NEMP2: variants seen among roughly 807,000 people sequenced by gnomAD.
NEMP2 encodes the protein UPF0571 transmembrane protein.
In NEMP2, 53 loss-of-function variants were observed where a neutral mutation model predicts 54.2. The ratio of observed to expected loss-of-function variants is 0.98; its 90% CI spans 0.78 to 1.23. NEMP2 has a LOEUF of 1.23. Among genes scored for constraint, NEMP2 ranks in the 50% most tolerant of loss-of-function variants. The pLI is 0.00. For missense variants in NEMP2, 455 were observed against 511.3 expected, an observed-to-expected ratio of 0.89 and a Z score of 1.06; for synonymous variants, 197 against 190.3, an observed-to-expected ratio of 1.04 and a Z score of -0.29.
At chr2:190,476,214 G>A in the NEMP2 span, among the ~76,000 whole-genome samples, 1 of 152,084 alleles carries the variant, frequency 6.6e-6, no homozygotes, top group Admixed American at 6.5e-5. Flanking sequence ...TGACAAATGG[G>A]ATCTAATTAA....
At chr2:190,646,850 A>G in the NEMP2 span, 3 of 152,270 alleles carry the variant, frequency 2.0e-5, no homozygotes, top group South Asian at 4.1e-4. Context: ...AGAAGGCTCA[A>G]TAGTTCAGGT....
At chr2:190,630,901 G>A in the NEMP2 span, among the ~76,000 whole-genome samples, 4 of 151,822 alleles carry the variant, frequency 2.6e-5, no homozygotes, top group Non-Finnish European at 5.9e-5. The surrounding 1 kb of genome is among the most constrained non-coding windows in gnomAD (Gnocchi z 5.5). Flanking sequence ...AGTGGCTCAT[G>A]TCTGTAGTCG....
At chr2:190,623,097 T>C in the NEMP2 span, among the ~76,000 whole-genome samples, 1 of 152,024 alleles carries the variant, frequency 6.6e-6, no homozygotes, top group East Asian at 1.9e-4. Flanking sequence ...AAAATACCTA[T>C]GAATAAATTT....
the NEMP2 span, among the ~76,000 whole-genome samples, chr2:190,643,150 G>A: frequency 1.3e-5 from 2 of 149,540 alleles, no homozygotes; most frequent in African/African-American, 2.5e-5. Context: ...TATATTCACT[G>A]AATTCAAGAG....
At chr2:190,502,499 G>T (rs1241857141), downstream of NEMP2, among the ~76,000 whole-genome samples, 2 of 151,916 alleles carry the variant, frequency 1.3e-5, no homozygotes, top group Non-Finnish European at 2.9e-5. The surrounding 1 kb of genome is among the most constrained non-coding windows in gnomAD (Gnocchi z 4.4). Flanking sequence ...GCTAATTATT[G>T]AACTATTCCT....
At chr2:190,575,173 A>G in the NEMP2 span, among the ~76,000 whole-genome samples, 1 of 151,908 alleles carries the variant, frequency 6.6e-6, no homozygotes, top group Non-Finnish European at 1.5e-5. Context: ...TTCTTTTTAC[A>G]GGAGCTCCCA....
At chr2:190,477,127 C>T in the NEMP2 span, 5 of 329,640 alleles carry the variant, frequency 1.5e-5, no homozygotes, top group African/African-American at 1.1e-4. Context: ...ATGGGTGCAG[C>T]ACACCAATAT....
chr2:190,438,386 C>T, the NEMP2 span, among the ~76,000 whole-genome samples: 16 of 152,150 alleles, frequency 1.1e-4, no homozygotes, highest in African/African-American at 3.1e-4. The surrounding 1 kb of genome is among the most constrained non-coding windows in gnomAD (Gnocchi z 5.2). Flanking sequence ...CATGGTGGCA[C>T]GCACCCGTAG....
chr2:190,435,957 T>G, the NEMP2 span: 2 of 1,509,762 alleles, frequency 1.3e-6, no homozygotes, highest in East Asian at 4.5e-5. Flanking sequence ...CTAAGCCATC[T>G]TTTAAATTTT....
chr2:190,613,037 GTTAT>G, the NEMP2 span, among the ~76,000 whole-genome samples: 2 of 152,056 alleles, frequency 1.3e-5, no homozygotes, highest in Admixed American at 1.3e-4. Context: ...ATTTACCTAT[GTTAT>G]TTATGAAAAC....
the NEMP2 span, among the ~76,000 whole-genome samples, chr2:190,642,426 T>C: frequency 1.3e-5 from 2 of 152,128 alleles, no homozygotes; most frequent in African/African-American, 4.8e-5. The surrounding 1 kb of genome is among the most constrained non-coding windows in gnomAD (Gnocchi z 4.1). Flanking sequence ...TGTAATAAAA[T>C]ACAATGGATA....
At chr2:190,608,462 T>C in the NEMP2 span, 1 of 152,312 alleles carries the variant, frequency 6.6e-6, no homozygotes, top group East Asian at 1.9e-4. The surrounding 1 kb of genome is among the most constrained non-coding windows in gnomAD (Gnocchi z 4.9). Context: ...GTAAACGTCA[T>C]GGCCATAGAG....
the NEMP2 span, among the ~76,000 whole-genome samples, chr2:190,470,946 C>G: frequency 6.6e-6 from 1 of 151,844 alleles, no homozygotes; most frequent in South Asian, 2.1e-4. Flanking sequence ...AGATTTGATG[C>G]AATGGTGTAG....
At chr2:190,614,410 T>C in the NEMP2 span, among the ~76,000 whole-genome samples, 11 of 152,232 alleles carry the variant, frequency 7.2e-5, no homozygotes, top group Admixed American at 5.9e-4. The surrounding 1 kb of genome is among the most constrained non-coding windows in gnomAD (Gnocchi z 5.7). Flanking sequence ...AAACTTTTGC[T>C]CAAAACGACA....
the NEMP2 span, among the ~76,000 whole-genome samples, chr2:190,427,727 C>CT: frequency 1.7e-4 from 26 of 148,582 alleles, no homozygotes; most frequent in Middle Eastern, 3.4e-3. Context: ...AAGTCTACCA[C>CT]TTTTTTTTTT....
the NEMP2 span, among the ~76,000 whole-genome samples, chr2:190,543,873 A>G: frequency 5.6e-4 from 86 of 152,330 alleles, no homozygotes; most frequent in African/African-American, 1.9e-3. The surrounding 1 kb of genome is among the most constrained non-coding windows in gnomAD (Gnocchi z 4.7). Context: ...TGCTCTTTAT[A>G]ACTAATTAAT....
At chr2:190,484,044 G>T in the NEMP2 span, among the ~76,000 whole-genome samples, 1 of 152,138 alleles carries the variant, frequency 6.6e-6, no homozygotes, top group African/African-American at 2.4e-5. Flanking sequence ...CTAAGTTTAT[G>T]TGGACTACTT....
chr2:190,508,199 TATCTA>T lies in NEMP2; in HGVS notation c.*985_*989del, dbSNP rs1690240920. The T allele has an allele frequency of 1.3e-5, 2 of 152,248 alleles. No homozygotes were observed. The highest frequency in any genetic ancestry group is 4.1e-4 in the South Asian group (2 of 4,838). The allele number at this position is 152,248 out of a possible 1,614,324, so 9.4% of individuals were successfully genotyped here. On this transcript the variant is annotated 3_prime_UTR_variant, in exon 9 of 9. Transcript: ENST00000409150. This position sits in a 1 kb window ranked among gnomAD's most constrained non-coding sequence, Gnocchi z 4.3. ...CAAAATACAAAAAAAGTAATCATAG[TATCTA>T]ATCCTTACGTATGTATATAAAAATC...
chr2:190,535,861 A>G (rs186714712), upstream of NEMP2: 5 of 90,870 alleles, frequency 5.5e-5, no homozygotes, highest in East Asian at 2.3e-4. Context: ...CCCTGATCCA[A>G]TTCTTTCCTG....
Sources: allele counts gnomAD v4.1 joint callset (sites outside exome capture counted in the v4.1 genomes callset), GRCh38; gene constraint gnomAD v4.1.1; non-coding constraint Gnocchi (gnomAD v3.1); transcripts MANE v1.5; gene names NCBI Gene and HGNC (gene_info 2026-07-23, HGNC 2026-07-21).